DNAH3: variants seen among roughly 807,000 people sequenced by gnomAD.
DNAH3 encodes the protein dynein axonemal heavy chain 3.
In DNAH3, 332 loss-of-function variants were observed where a neutral mutation model predicts 432.5. The observed-to-expected ratio is 0.77, with a 90% CI of 0.70 to 0.84. The LOEUF is 0.84. DNAH3 is among the 40% of genes least tolerant of loss of function. The pLI, the probability that DNAH3 is intolerant of heterozygous loss-of-function variation, is 0.00. For missense variants in DNAH3, 4,861 were observed against 5,114.0 expected (o/e 0.95, Z 1.51); for synonymous variants, 1,956 against 1,900.2 (o/e 1.03, Z -0.76).
chr16:21,136,536 G>C (rs750421351), intron 5 of DNAH3, 23 bp from the exon 7 acceptor site: 9 of 1,610,208 alleles, frequency 5.6e-6, no homozygotes, highest in Non-Finnish European at 7.6e-6. Flanking sequence ...AACCACCAGC[G>C]AGAAAATGGT....
chr16:21,027,211 T>C, intron 37 of DNAH3, 84 bp from the exon 38 acceptor site: 1 of 966,640 alleles, frequency 1.0e-6, no homozygotes, highest in East Asian at 2.4e-5. Context: ...CAGACAAAGC[T>C]GGTTTGATTC....
chr16:21,072,105 C>T (rs2090805595), intron 21 of DNAH3, among the ~76,000 whole-genome samples: 1 of 152,030 alleles, frequency 6.6e-6, no homozygotes, highest in Admixed American at 6.6e-5. Context: ...GTTGTTTGGA[C>T]CTAATTACTG....
intron 21 of DNAH3, among the ~76,000 whole-genome samples, chr16:21,072,612 A>G (rs2090830917): frequency 1.3e-5 from 2 of 151,750 alleles, no homozygotes; most frequent in Non-Finnish European, 2.9e-5. Context: ...CAAGCATGAC[A>G]GGCACGAGCC....
At chr16:21,001,328 G>A (rs1360786168) in intron 42 of DNAH3, among the ~76,000 whole-genome samples, 1 of 152,112 alleles carries the variant, frequency 6.6e-6, no homozygotes, top group East Asian at 1.9e-4. Flanking sequence ...CTCTATGGGG[G>A]AAGATGATTA....
At chr16:21,068,558 G>A (rs1041968479) in intron 23 of DNAH3, among the ~76,000 whole-genome samples, 2 of 152,076 alleles carry the variant, frequency 1.3e-5, no homozygotes, top group Non-Finnish European at 2.9e-5. Context: ...CAAGCAATCC[G>A]CCTGCCTTGG....
At position 21,039,850 on chromosome 16, in the gene DNAH3, A is replaced by G; in HGVS notation, c.4730+2T>C. 1 of 1,607,648 alleles carries G rather than the reference A, an allele frequency of 6.2e-7. No individual in the cohort carries two copies. The highest frequency in any genetic ancestry group is 8.5e-7 in the Non-Finnish European group (1 of 1,174,214). ...ATGCACTGGAAAACCCATGTAACACACCTTCTGGAGTCCAGAAACCCCATG... is the reference window on the plus strand; with the variant it reads ...ATGCACTGGAAAACCCATGTAACACGCCTTCTGGAGTCCAGAAACCCCATG... On this transcript the variant is annotated splice_donor_variant, in intron 33 of 61. Coordinates refer to ENST00000261383, the Ensembl canonical transcript of DNAH3. LOFTEE classifies it high-confidence loss of function.
At chr16:20,985,832 A>G in intron 47 of DNAH3, 117 bp from the exon 48 acceptor site, 1 of 1,016,360 alleles carries the variant, frequency 9.8e-7, no homozygotes, top group Admixed American at 2.2e-5. Flanking sequence ...CACATCCTTC[A>G]AGGTCATGGG....
intron 41 of DNAH3, among the ~76,000 whole-genome samples, chr16:21,008,223 T>C (rs1220626155): frequency 6.6e-6 from 1 of 152,210 alleles, no homozygotes; most frequent in East Asian, 1.9e-4. Context: ...CTCTCTGATG[T>C]GTGCATGATT....
chr16:21,043,211 G>A (rs1314636582), intron 31 of DNAH3, among the ~76,000 whole-genome samples: 1 of 151,158 alleles, frequency 6.6e-6, no homozygotes, highest in East Asian at 1.9e-4. Flanking sequence ...TGGGTCAAAT[G>A]GTATTTCCAG....
At chr16:21,031,337 G>A (rs771868342) in intron 36 of DNAH3, 51 bp from the exon 37 acceptor site, 1 of 1,598,480 alleles carries the variant, frequency 6.3e-7, no homozygotes, top group Admixed American at 1.7e-5. Flanking sequence ...GAGACCAGAA[G>A]GTTAAACAAG....
chr16:20,954,890 AC>A lies in DNAH3; in HGVS notation c.10993del (p.Val3665Ter). On this transcript the variant is annotated frameshift_variant, in exon 55 of 62. Coordinates refer to ENST00000261383, the Ensembl canonical transcript of DNAH3. LOFTEE classifies it high-confidence loss of function. Reference sequence around the variant, plus strand: ...GCCAAATAACATCTTTTGCCACATCACCGCCTTTGCACAGCTTTGGAAGAAC... The same window carrying A: ...GCCAAATAACATCTTTTGCCACATCACGCCTTTGCACAGCTTTGGAAGAAC... The A allele has an allele frequency of 6.2e-7, 1 of 1,614,082 alleles. No individual in the cohort carries two copies. The highest frequency in any genetic ancestry group is 8.5e-7 in the Non-Finnish European group (1 of 1,180,014).
intron 52 of DNAH3, among the ~76,000 whole-genome samples, chr16:20,965,997 G>A (rs956149776): frequency 1.5e-5 from 2 of 130,988 alleles, no homozygotes; most frequent in African/African-American, 5.8e-5. Flanking sequence ...CCAGGCCTGA[G>A]CCACCATGCC....
intron 43 of DNAH3, among the ~76,000 whole-genome samples, chr16:20,998,766 G>C (rs1173000612): frequency 6.7e-6 from 1 of 149,724 alleles, no homozygotes; most frequent in African/African-American, 2.5e-5. Flanking sequence ...AAAAAAAAGG[G>C]GGGGGCTCCT....
chr16:21,008,608 T>A (rs2087433577), intron 41 of DNAH3, among the ~76,000 whole-genome samples: 1 of 152,008 alleles, frequency 6.6e-6, no homozygotes, highest in Non-Finnish European at 1.5e-5. Context: ...TCCTCCAGCA[T>A]CACACAGGGG....
At position 21,140,360 on chromosome 16, in the gene DNAH3, C is replaced by T. The variant is rs545120200; in HGVS notation, c.696+176G>A. On this transcript the variant is annotated intron_variant, in intron 5 of 61. Coordinates refer to ENST00000261383, the Ensembl canonical transcript of DNAH3. ...GTACACACACTCTCTCTCCTTCTCTCTCACTCGCACAAGCACACAAACATG... is the reference window on the plus strand; with the variant it reads ...GTACACACACTCTCTCTCCTTCTCTTTCACTCGCACAAGCACACAAACATG... The T allele has an allele frequency of 1.4e-5, 8 of 585,334 alleles. No individual in the cohort carries two copies. The African/African-American group carries it at 1.5e-4, about 11-fold the overall frequency. 36.3% of individuals were successfully genotyped at this position (585,334 alleles called of 1,614,324 possible).
chr16:21,047,045 G>A (rs575035175), intron 31 of DNAH3, among the ~76,000 whole-genome samples: 52 of 152,102 alleles, frequency 3.4e-4, no homozygotes, highest in Non-Finnish European at 5.7e-4. Context: ...AGAGAGATCC[G>A]CTGTTACTCT....
exon 53 of DNAH3, chr16:20,964,692 G>A: frequency 1.2e-6 from 2 of 1,614,138 alleles, no homozygotes; most frequent in Non-Finnish European, 1.7e-6. Flanking sequence ...TGTCGATGGA[G>A]AAGGAGTCAA....
At chr16:21,039,816 T>C (rs888152713) in intron 33 of DNAH3, 36 bp downstream of exon 33, 3 of 1,466,894 alleles carry the variant, frequency 2.0e-6, no homozygotes, top group Admixed American at 3.3e-5. Flanking sequence ...CTATTTAAAG[T>C]CCTTTAGAAT....
intron 19 of DNAH3, 41 bp downstream of exon 19, chr16:21,086,808 T>C (rs2091389130): frequency 6.3e-7 from 1 of 1,575,018 alleles, no homozygotes; most frequent in African/African-American, 1.3e-5. Flanking sequence ...GGGCCAGGCC[T>C]GGGCTGCGCT....
Sources: gnomAD v4.1 joint callset for allele counts (sites outside exome capture counted in the v4.1 genomes callset) on GRCh38, gnomAD v4.1.1 for gene constraint, MANE v1.5 for transcripts, NCBI Gene and HGNC (gene_info 2026-07-23, HGNC 2026-07-21) for gene names.